Variants in ZPBP2 observed in about 807,000 individuals in gnomAD.
ZPBP2 encodes zona pellucida binding protein 2, also known as zona pellucida-binding protein 2.
Under a neutral mutation model 37.5 loss-of-function variants are expected in ZPBP2, and 34 were observed. The ratio of observed to expected loss-of-function variants is 0.91; its 90% CI spans 0.69 to 1.21. The LOEUF (loss-of-function observed/expected upper bound fraction) is 1.21, where lower values mean the gene tolerates loss of function less well. ZPBP2 is among the 50% of genes most tolerant of loss of function. The probability of loss-of-function intolerance (pLI) is 0.00; values close to 1 mark genes in which losing one functional copy is unlikely to be tolerated. For synonymous variants in ZPBP2, 143 were observed against 138.4 expected, an observed-to-expected ratio of 1.03 and a Z score of -0.23; for missense variants, 397 against 413.5, an observed-to-expected ratio of 0.96 and a Z score of 0.35.
intron 1 of ZPBP2, 40 bp downstream of exon 1, chr17:39,868,446 G>T: frequency 6.2e-7 from 1 of 1,611,746 alleles, no homozygotes; most frequent in Non-Finnish European, 8.5e-7. Context: ...CTCTCCCTCT[G>T]CCCGAGCTTC....
At chr17:39,872,023 G>A (rs759318483) in intron 4 of ZPBP2, among the ~76,000 whole-genome samples, 20 of 152,054 alleles carry the variant, frequency 1.3e-4, no homozygotes, top group Non-Finnish European at 2.5e-4. Context: ...TATCTGTATA[G>A]CCAACCCACA....
intron 3 of ZPBP2, 119 bp from the exon 4 acceptor site, chr17:39,871,345 C>A: frequency 1.7e-6 from 1 of 572,336 alleles, no homozygotes; most frequent in Non-Finnish European, 2.8e-6. Flanking sequence ...TTTGTGGGAT[C>A]CTTAAAGTTG....
intron 5 of ZPBP2, 65 bp downstream of exon 5, chr17:39,872,553 C>G (rs1033840236): frequency 9.6e-7 from 1 of 1,037,322 alleles, no homozygotes; most frequent in Admixed American, 3.0e-5. Context: ...TACAAAATTA[C>G]CATATTAATA....
chr17:39,877,595 T>A lies in ZPBP2; in HGVS notation c.*786T>A, dbSNP rs1034203021. The A allele has an allele frequency of 6.6e-6, 1 of 152,146 alleles. No homozygotes were observed. The highest frequency in any genetic ancestry group is 2.4e-5 in the African/African-American group (1 of 41,440). The allele number at this position is 152,146 out of a possible 1,614,324, so 9.4% of individuals were successfully genotyped here. A position where few individuals can be genotyped will look rare whatever the true frequency, so the allele number is the denominator to read the frequency against. On this transcript the variant is annotated 3_prime_UTR_variant, in exon 8 of 8. Transcript: ENST00000348931. ...CAAAATCCTGTGCTTCACTTATTTA[T>A]CCCTCCCGCCGTGCCCTGGCAACCA...
intron 7 of ZPBP2, among the ~76,000 whole-genome samples, chr17:39,875,963 T>A: frequency 7.6e-6 from 1 of 132,224 alleles, no homozygotes; most frequent in South Asian, 2.6e-4. Flanking sequence ...GTGTGCAGTG[T>A]GGCGCAGTCT....
intron 6 of ZPBP2, among the ~76,000 whole-genome samples, chr17:39,874,887 A>G (rs2063382248): frequency 6.6e-6 from 1 of 152,142 alleles, no homozygotes; most frequent in Admixed American, 6.5e-5. Context: ...AGTAGCTGAG[A>G]CTACAGGCAC....
intron 6 of ZPBP2, among the ~76,000 whole-genome samples, chr17:39,873,993 T>G (rs1410058103): frequency 6.7e-6 from 1 of 148,800 alleles, no homozygotes; most frequent in Non-Finnish European, 1.5e-5. Flanking sequence ...TTTTTTTTTT[T>G]TTTTTTTTTG....
Position 39,868,385 on chromosome 17 carries a change from G to A in ZPBP2, c.31G>A (p.Val11Met), listed in dbSNP as rs775450115. Residue 11 changes from valine (V) to methionine (M), a missense_variant, in exon 1 of 8, where the codon GTG becomes ATG. Physicochemically the swap from Val to Met is conservative, Grantham distance 21 (BLOSUM62 1). Coordinates refer to ENST00000348931, the MANE Select transcript of ZPBP2 (RefSeq NM_199321.3). Reference protein sequence around the residue: MMRTCVLLSAVLWCLTGVQCP... With the variant: MMRTCVLLSAMLWCLTGVQCP... ...GCGAACGTGCGTCCTACTCTCCGCG[G>A]TGCTCTGGTGCCTCACAGGAGGTGG... 212 of 1,610,446 alleles carry A rather than the reference G, an allele frequency of 1.3e-4. 4 individuals are homozygous for A. In the South Asian group the frequency reaches 2.3e-3, roughly 17 times the overall value.
intron 6 of ZPBP2, among the ~76,000 whole-genome samples, chr17:39,873,393 C>G (rs915065964): frequency 6.6e-6 from 1 of 151,982 alleles, no homozygotes; most frequent in Non-Finnish European, 1.5e-5. Flanking sequence ...ATAATAAAAT[C>G]ATTTCTAAGG....
rs763002283 is a variant in ZPBP2 at position 39,875,274 on chromosome 17, CTT to C, written c.734_735del (p.Phe245SerfsTer10). 15 of 1,610,898 alleles carry C rather than the reference CTT, an allele frequency of 9.3e-6. No homozygotes were observed. The African/African-American group carries it at 1.7e-4, about 19-fold the overall frequency. On this transcript the variant is annotated frameshift_variant, in exon 7 of 8. Coordinates refer to ENST00000348931, the MANE Select transcript of ZPBP2 (RefSeq NM_199321.3). LOFTEE classifies it high-confidence loss of function. ...ILQARDRIED[F>X]FRSQAYIFYH... ...CTTAGGCAAGAGATCGAATAGAAGA[CTT>C]TTTTCGGAGCCAAGCATATATTTTC...
chr17:39,874,934 A>G (rs2063382464), intron 6 of ZPBP2, among the ~76,000 whole-genome samples: 2 of 152,084 alleles, frequency 1.3e-5, no homozygotes, highest in African/African-American at 4.8e-5. Flanking sequence ...TATTTTTAAT[A>G]GAGATGGAGT....
Position 39,868,393 on chromosome 17 carries a change from G to C in ZPBP2, c.39G>C (p.Trp13Cys), listed in dbSNP as rs201229892. ...RTCVLLSAVL[W>C]CLTGVQCPRF... ...GCGTCCTACTCTCCGCGGTGCTCTG[G>C]TGCCTCACAGGAGGTGGGGCTCCCT... is the stretch of plus-strand genomic sequence containing the variant. The change falls in exon 1 of 8, where the codon TGG becomes TGC. Residue 13 changes from tryptophan (W) to cysteine (C), a missense_variant. Trp to Cys is a radical substitution (Grantham distance 215). Coordinates refer to ENST00000348931, the MANE Select transcript of ZPBP2 (RefSeq NM_199321.3). The C allele has an allele frequency of 4.8e-5, 78 of 1,610,732 alleles. 1 individual carries two copies. In the Admixed American group the frequency reaches 1.1e-3, roughly 24 times the overall value.
rs930803366 is a variant in ZPBP2 at position 39,876,997 on chromosome 17, T to A, written c.*188T>A. ...AAGAAGGCATTTAATCCAGTATCTC[T>A]AGTGTACAAAGGAAACTTGAAGTTT... is the stretch of plus-strand genomic sequence containing the variant. On this transcript the variant is annotated 3_prime_UTR_variant, in exon 8 of 8. Transcript: ENST00000348931. 6 of 577,406 alleles carry A rather than the reference T, an allele frequency of 1.0e-5. No individual in the cohort carries two copies. The highest frequency in any genetic ancestry group is 7.6e-5 in the African/African-American group (4 of 52,602). The allele number at this position is 577,406 out of a possible 1,614,324, so 35.8% of individuals were successfully genotyped here. A position where few individuals can be genotyped will look rare whatever the true frequency, so the allele number is the denominator to read the frequency against.
At chr17:39,873,560 G>C (rs1258716284) in intron 6 of ZPBP2, among the ~76,000 whole-genome samples, 1 of 152,020 alleles carries the variant, frequency 6.6e-6, no homozygotes, top group Non-Finnish European at 1.5e-5. Context: ...GAGAGCTGGA[G>C]TATCAAGATG....
In ZPBP2 at chr17:39,873,055, G is replaced by GCGC. The variant is rs1307539463; in HGVS notation, c.640_642dup (p.Pro214dup). 2 of 1,609,960 alleles carry GCGC rather than the reference G, an allele frequency of 1.2e-6. No individual in the cohort carries two copies. The highest frequency in any genetic ancestry group is 2.7e-5 in the African/African-American group (2 of 74,550). ...TTTTTTCTCTTCAGTTAATCCTTTT[G>GCGC]CGCCGGGGTGGAAAGGTGCTTGCAA... On this transcript the variant is annotated inframe_insertion, in exon 6 of 8. Transcript: ENST00000348931.
rs533207179 is a variant in ZPBP2 at position 39,872,194 on chromosome 17, T to C, written c.407-76T>C. ...TGATGGGATTTAGTATTACATAGTATTTGAAAATTGTTTGGTAGAGGAAAT... is the reference window on the plus strand; with the variant it reads ...TGATGGGATTTAGTATTACATAGTACTTGAAAATTGTTTGGTAGAGGAAAT... On this transcript the variant is annotated intron_variant, in intron 4 of 7. Coordinates refer to ENST00000348931, the MANE Select transcript of ZPBP2 (RefSeq NM_199321.3). 99 of 1,146,474 alleles carry C rather than the reference T, an allele frequency of 8.6e-5. 3 individuals carry two copies. In the South Asian group the frequency reaches 1.5e-3, roughly 17 times the overall value. The allele number at this position is 1,146,474 out of a possible 1,614,324, so 71.0% of individuals were successfully genotyped here.
At chr17:39,869,984 G>C (rs2063356068) in intron 2 of ZPBP2, among the ~76,000 whole-genome samples, 1 of 152,046 alleles carries the variant, frequency 6.6e-6, no homozygotes, top group Non-Finnish European at 1.5e-5. Flanking sequence ...AAAGTGCTGG[G>C]ATTACAGGCA....
At position 39,868,225 on chromosome 17, in the gene ZPBP2, A is replaced by G. The variant is rs2063344040; in HGVS notation, c.-130A>G. The G allele has an allele frequency of 2.0e-6, 2 of 1,012,242 alleles. No individual in the cohort carries two copies. The highest frequency in any genetic ancestry group is 3.2e-5 in the African/African-American group (2 of 62,628). 62.7% of individuals were successfully genotyped at this position (1,012,242 alleles called of 1,614,324 possible). A position where few individuals can be genotyped will look rare whatever the true frequency, so the allele number is the denominator to read the frequency against. On this transcript the variant is annotated 5_prime_UTR_variant, in exon 1 of 8. Transcript: ENST00000348931. The stretch of plus-strand genomic sequence containing the variant: ...CTGCGCGTCCGCTCCCGCCGTTGCG[A>G]CGGACGGGTAGGGGAGGCGACCCCG...
Position 39,875,394 on chromosome 17 carries a change from A to G in ZPBP2, c.849A>G (p.Gly283=). 6.2e-7 allele frequency: 1 copy of G among 1,613,536 alleles called. No individual in the cohort carries two copies. The highest frequency in any genetic ancestry group is 8.5e-7 in the Non-Finnish European group (1 of 1,179,806). ...VRLDSCRPGF[G]KNERLHSNCA... is the part of the protein sequence containing the mutation. The stretch of plus-strand genomic sequence containing the variant: ...TGGATAGCTGTCGACCAGGCTTTGG[A>G]AAAAATGAACGTCTACACAGTAATT... The change falls in exon 7 of 8, where the codon GGA becomes GGG. Residue 283 remains glycine (G), a synonymous_variant. Transcript: ENST00000348931.
Sources: gnomAD v4.1 joint callset for allele counts (sites outside exome capture counted in the v4.1 genomes callset) on GRCh38, gnomAD v4.1.1 for gene constraint, MANE v1.5 for transcripts, NCBI Gene and HGNC (gene_info 2026-07-23, HGNC 2026-07-21) for gene names.